The following LSAMP variants were observed in gnomAD, a reference collection of about 807,000 sequenced individuals.
The protein encoded by LSAMP is limbic system associated membrane protein, also known as limbic system-associated membrane protein.
Under a neutral mutation model 38.6 loss-of-function variants are expected in LSAMP, and 7 were observed. The observed-to-expected ratio is 0.18, with a 90% CI of 0.10 to 0.34. The LOEUF (loss-of-function observed/expected upper bound fraction) is 0.34. LSAMP is among the 10% of genes least tolerant of loss of function. LSAMP has a pLI of 1.00. For synonymous variants in LSAMP, 154 were observed against 166.8 expected (o/e 0.92, Z 0.59); for missense variants, 313 against 420.0 (o/e 0.75, Z 2.23).
At chr3:116,237,263 C>G (rs150915683) in intron 1 of LSAMP, among the ~76,000 whole-genome samples, 115 of 152,280 alleles carry the variant, frequency 7.6e-4, no homozygotes, top group Admixed American at 3.0e-3. Flanking sequence ...CCTATAAGTA[C>G]TGTGTTCCTT....
intron 1 of LSAMP, among the ~76,000 whole-genome samples, chr3:116,328,740 T>C (rs2047809584): frequency 6.6e-6 from 1 of 152,156 alleles, no homozygotes; most frequent in African/African-American, 2.4e-5. Context: ...GAGAGGATGC[T>C]GTTATACATT....
At chr3:116,433,420 T>G (rs1487109804) in intron 1 of LSAMP, among the ~76,000 whole-genome samples, 1 of 152,130 alleles carries the variant, frequency 6.6e-6, no homozygotes, top group Non-Finnish European at 1.5e-5. Context: ...TTTTTCCTCA[T>G]GGTTATTGGT....
At chr3:115,988,405 G>A (rs1232490471) in intron 3 of LSAMP, among the ~76,000 whole-genome samples, 2 of 152,112 alleles carry the variant, frequency 1.3e-5, no homozygotes, top group Non-Finnish European at 2.9e-5. Flanking sequence ...AAATTTAAAT[G>A]TTGGATATCA....
intron 1 of LSAMP, among the ~76,000 whole-genome samples, chr3:116,110,365 A>G (rs2107469230): frequency 6.6e-6 from 1 of 152,334 alleles, no homozygotes; most frequent in African/African-American, 2.4e-5. Flanking sequence ...GTGAAGGACC[A>G]AGGCAGGCAT....
chr3:116,421,687 C>A (rs1050270840), intron 1 of LSAMP, among the ~76,000 whole-genome samples: 1 of 151,944 alleles, frequency 6.6e-6, no homozygotes, highest in Admixed American at 6.6e-5. Flanking sequence ...AAAAAATGCA[C>A]AACATTAGGT....
chr3:116,351,776 C>T (rs191367800), intron 1 of LSAMP, among the ~76,000 whole-genome samples: 16 of 152,152 alleles, frequency 1.1e-4, no homozygotes, highest in Non-Finnish European at 2.1e-4. Flanking sequence ...AGCTGGCTCA[C>T]ACGTAATGTG....
chr3:116,106,978 G>T (rs1427368464), intron 1 of LSAMP, among the ~76,000 whole-genome samples: 2 of 152,178 alleles, frequency 1.3e-5, no homozygotes, highest in Non-Finnish European at 2.9e-5. Flanking sequence ...GAAAGGAAAT[G>T]AGAGGTTCTA....
At chr3:116,415,948 T>G (rs773160864) in intron 1 of LSAMP, among the ~76,000 whole-genome samples, 3 of 152,134 alleles carry the variant, frequency 2.0e-5, no homozygotes, top group Non-Finnish European at 4.4e-5. Context: ...TAAAATGAAA[T>G]GTTTATTCCA....
chr3:116,213,814 G>A (rs1035875099), intron 1 of LSAMP, among the ~76,000 whole-genome samples: 1 of 152,192 alleles, frequency 6.6e-6, no homozygotes, highest in South Asian at 2.1e-4. Context: ...AGATGGACAA[G>A]TAATGCATGA....
chr3:116,228,430 T>G (rs2046365696), intron 1 of LSAMP, among the ~76,000 whole-genome samples: 1 of 152,014 alleles, frequency 6.6e-6, no homozygotes, highest in Non-Finnish European at 1.5e-5. Context: ...TGCCCAATCA[T>G]GTCAACCTTA....
At chr3:116,388,195 A>AT (rs1328138409) in intron 1 of LSAMP, among the ~76,000 whole-genome samples, 1 of 152,208 alleles carries the variant, frequency 6.6e-6, no homozygotes, top group Non-Finnish European at 1.5e-5. Flanking sequence ...AAGAAAAAAA[A>AT]TGAGGCTACT....
chr3:116,122,401 T>C (rs546986441), intron 1 of LSAMP, among the ~76,000 whole-genome samples: 1 of 152,348 alleles, frequency 6.6e-6, no homozygotes, highest in African/African-American at 2.4e-5. Flanking sequence ...TGGTTCCCTT[T>C]TGCTTTCTAG....
chr3:116,366,201 G>C (rs936301224), intron 1 of LSAMP, among the ~76,000 whole-genome samples: 59 of 151,810 alleles, frequency 3.9e-4, no homozygotes, highest in African/African-American at 1.4e-3. Context: ...TTCAAAAGTG[G>C]GCAAATAACA....
chr3:116,290,521 G>T (rs1347098457), intron 1 of LSAMP, among the ~76,000 whole-genome samples: 1 of 151,916 alleles, frequency 6.6e-6, no homozygotes, highest in Non-Finnish European at 1.5e-5. Flanking sequence ...CATGGGGTCA[G>T]GAGTTTGAGA....
chr3:115,822,600 T>C (rs1934281765), intron 6 of LSAMP, among the ~76,000 whole-genome samples: 1 of 152,188 alleles, frequency 6.6e-6, no homozygotes, highest in African/African-American at 2.4e-5. Context: ...CCTCAGGTGA[T>C]CTGCCCGCCT....
intron 1 of LSAMP, among the ~76,000 whole-genome samples, chr3:116,275,572 C>T (rs550143488): frequency 1.0e-3 from 157 of 151,966 alleles, no homozygotes; most frequent in African/African-American, 3.6e-3. Flanking sequence ...TTGCATTTTC[C>T]GTTTTTTTTT....
intron 3 of LSAMP, among the ~76,000 whole-genome samples, chr3:115,898,188 A>C (rs1936776488): frequency 6.6e-6 from 1 of 152,196 alleles, no homozygotes; most frequent in African/African-American, 2.4e-5. Flanking sequence ...AATGCTATGC[A>C]AAAAATAGTT....
chr3:116,314,745 C>T (rs1344561069), intron 1 of LSAMP, among the ~76,000 whole-genome samples: 2 of 152,228 alleles, frequency 1.3e-5, no homozygotes, highest in East Asian at 3.9e-4. Context: ...ATTAGTGCTG[C>T]TATTTTTAGA....
chr3:116,209,664 A>C (rs974375131), intron 1 of LSAMP, among the ~76,000 whole-genome samples: 2 of 152,170 alleles, frequency 1.3e-5, no homozygotes, highest in Non-Finnish European at 2.9e-5. Context: ...AAACGCAAAC[A>C]GTGATCAATG....
Sources: gnomAD v4.1 joint callset for allele counts (sites outside exome capture counted in the v4.1 genomes callset) on GRCh38, gnomAD v4.1.1 for gene constraint, MANE v1.5 for transcripts, NCBI Gene and HGNC (gene_info 2026-07-23, HGNC 2026-07-21) for gene names.